SREK1: variants seen among roughly 807,000 people sequenced by gnomAD.
SREK1 encodes the protein splicing regulatory glutamine/lysine-rich protein 1.
A neutral mutation model predicts 66.5 loss-of-function variants in SREK1; 13 were observed. The observed-to-expected ratio is 0.20, with a 90% CI of 0.13 to 0.31. The LOEUF (loss-of-function observed/expected upper bound fraction) is 0.31. SREK1 is among the 10% of genes least tolerant of loss of function. The pLI, the probability that SREK1 is intolerant of heterozygous loss-of-function variation, is 1.00. For synonymous variants in SREK1, 265 were observed against 263.5 expected (o/e 1.01, Z -0.05); for missense variants, 607 against 769.6 (o/e 0.79, Z 2.50).
chr5:66,159,702 GA>G (rs1241724275), intron 3 of SREK1, among the ~76,000 whole-genome samples: 2 of 151,944 alleles, frequency 1.3e-5, no homozygotes, highest in Admixed American at 1.3e-4. Flanking sequence ...TTGGTAATGG[GA>G]AAAAAACAGG....
chr5:66,177,866 A>G (rs915254219), intron 11 of SREK1, among the ~76,000 whole-genome samples: 2 of 152,144 alleles, frequency 1.3e-5, no homozygotes, highest in South Asian at 4.1e-4. Context: ...AAACTAAGTT[A>G]AATCCTAACA....
At chr5:66,164,525 C>T (rs1370195556) in intron 6 of SREK1, 2 of 1,311,060 alleles carry the variant, frequency 1.5e-6, no homozygotes, top group Admixed American at 4.2e-5. Context: ...GAATTACAGA[C>T]ATGTTGTAAT....
intron 1 of SREK1, among the ~76,000 whole-genome samples, chr5:66,151,312 A>G (rs1054254605): frequency 2.0e-5 from 3 of 152,208 alleles, no homozygotes; most frequent in Admixed American, 1.3e-4. Context: ...ATAGTGACAC[A>G]TGTCAGTTCT....
At position 66,182,558 on chromosome 5, in the gene SREK1, C is replaced by T. The variant is rs191937190; in HGVS notation, c.*3690C>T. The T allele has an allele frequency of 1.2e-4, 18 of 152,066 alleles. No individual in the cohort carries two copies. The highest frequency in any genetic ancestry group is 9.2e-4 in the Admixed American group (14 of 15,260). 9.4% of individuals were successfully genotyped at this position (152,066 alleles called of 1,614,324 possible). ...TGGTGGTTTTGCCTGAAGAGTAATACATTATTATTATTACTTTTCTTTTTG... is the reference window on the plus strand; with the variant it reads ...TGGTGGTTTTGCCTGAAGAGTAATATATTATTATTATTACTTTTCTTTTTG... On this transcript the variant is annotated 3_prime_UTR_variant, in exon 12 of 12. Transcript: ENST00000334121.
Position 66,175,023 on chromosome 5 carries a change from G to T in SREK1, c.1562G>T (p.Arg521Ile), listed in dbSNP as rs767338785. 3 of 1,612,234 alleles carry T rather than the reference G, an allele frequency of 1.9e-6. No homozygotes were observed. Among genetic ancestry groups the T allele is most frequent in the East Asian group, 2.2e-5 (1 of 44,846 alleles). ...AAAACCATAAAAAGGAAATCTTCTA[G>T]ATCTCCGTCCCCCAGGAGGTAGGTT... ...TSKTIKRKSS[R>I]SPSPRSRNKK... Residue 521 changes from arginine (R) to isoleucine (I), a missense_variant, in exon 10 of 12, where the codon AGA becomes ATA. This residue lies in a region of SREK1 where 318 missense variants were observed against 310.3 expected (regional missense o/e 1.02). Transcript: ENST00000334121.
rs372819159 is a variant in SREK1, at chr5:66,158,871, G to A, written c.296-348G>A. 4 of 1,292,958 alleles carry A rather than the reference G, an allele frequency of 3.1e-6. No individual in the cohort carries two copies. The East Asian group carries it at 1.6e-4, about 53-fold the overall frequency. 80.1% of individuals were successfully genotyped at this position (1,292,958 alleles called of 1,614,324 possible). A position where few individuals can be genotyped will look rare whatever the true frequency, so the allele number is the denominator to read the frequency against. ...AACTTTCGATCACCGCGAAAACACC[G>A]TCCTGGGAAAGCGTCCATGCTTGAT... On this transcript the variant is annotated intron_variant, in intron 2 of 11. Transcript: ENST00000334121.
intron 9 of SREK1, among the ~76,000 whole-genome samples, chr5:66,172,351 G>C (rs1166158786): frequency 1.3e-5 from 2 of 152,020 alleles, no homozygotes; most frequent in Admixed American, 1.3e-4. Flanking sequence ...ATTTTAAGTT[G>C]TTTGGTGTAG....
At chr5:66,167,567 T>A (rs1745278004) in intron 7 of SREK1, 6 of 152,208 alleles carry the variant, frequency 3.9e-5, no homozygotes, top group Admixed American at 3.9e-4. Context: ...CTTGACTACT[T>A]CTAGCATTCT....
At chr5:66,169,278 G>C (rs1176812431) in intron 7 of SREK1, 1 of 152,130 alleles carries the variant, frequency 6.6e-6, no homozygotes, top group African/African-American at 2.4e-5. Flanking sequence ...TTTTCATACA[G>C]GTTGAGACTC....
chr5:66,175,060 C>T lies in SREK1; in HGVS notation c.1580+19C>T, dbSNP rs1167838146. On this transcript the variant is annotated intron_variant, in intron 10 of 11. Transcript: ENST00000334121. ...CCAGGAGGTAGGTTGGGAGCTTGTG[C>T]TAAAACTAAACAGGAGAAAGCAATA... 4.4e-6 allele frequency: 7 copies of T among 1,582,320 alleles called. No homozygotes were observed. The East Asian group carries it at 1.6e-4, about 35-fold the overall frequency.
rs527491644 is a variant in SREK1 at position 66,174,950 on chromosome 5, A to G, written c.1489A>G (p.Arg497Gly). Reference protein sequence around the residue: ...SRRSRSSSRERRRRRSRSSSR... With the variant: ...SRRSRSSSREGRRRRSRSSSR... ...TGATGTGTTTTTGATTTTCAGGGAA[A>G]GGCGTAGGAGGAGGAGCAGGAGTTC... is the stretch of plus-strand genomic sequence containing the variant. The change falls in exon 10 of 12, where the codon AGG becomes GGG. Residue 497 changes from arginine to glycine, a missense_variant. Arg to Gly is a moderately radical substitution (Grantham distance 125). This residue lies in a region of SREK1 where 318 missense variants were observed against 310.3 expected (regional missense o/e 1.02). Coordinates refer to ENST00000334121, the MANE Select transcript of SREK1 (RefSeq NM_001077199.3). The G allele has an allele frequency of 3.1e-6, 5 of 1,609,772 alleles. No individual in the cohort carries two copies. Among genetic ancestry groups the G allele is most frequent in the South Asian group, 1.1e-5 (1 of 89,864 alleles).
intron 7 of SREK1, chr5:66,169,448 G>A (rs1745448509): frequency 2.0e-5 from 3 of 152,068 alleles, no homozygotes; most frequent in Admixed American, 1.3e-4. Flanking sequence ...GCAAATATTC[G>A]AAAATCTCCA....
chr5:66,176,907 T>TAG (rs1746100170), intron 10 of SREK1, among the ~76,000 whole-genome samples: 1 of 152,086 alleles, frequency 6.6e-6, no homozygotes, highest in Non-Finnish European at 1.5e-5. Context: ...AGGGGTCTTT[T>TAG]GTTTATTTGC....
At chr5:66,165,155 C>A (rs1406183857) in intron 7 of SREK1, 1 of 289,802 alleles carries the variant, frequency 3.5e-6, no homozygotes, top group African/African-American at 2.2e-5. Context: ...TACTCTATTC[C>A]AGATTTTTCT....
intron 6 of SREK1, chr5:66,164,230 T>C (rs1027721366): frequency 5.9e-5 from 18 of 302,970 alleles, no homozygotes; most frequent in Non-Finnish European, 9.9e-5. Flanking sequence ...AGAGTACATA[T>C]ATTTAAAACG....
chr5:66,181,273 T>C lies in SREK1; in HGVS notation c.*2405T>C, dbSNP rs959913686. 2.0e-5 allele frequency: 3 copies of C among 152,216 alleles called. No homozygotes were observed. Among genetic ancestry groups the C allele is most frequent in the Non-Finnish European group, 4.4e-5 (3 of 68,040 alleles). The allele number at this position is 152,216 out of a possible 1,614,324, so 9.4% of individuals were successfully genotyped here. A position where few individuals can be genotyped will look rare whatever the true frequency, so the allele number is the denominator to read the frequency against. The stretch of plus-strand genomic sequence containing the variant: ...TATGGAAGCAAGGCATTCTAGGGTC[T>C]AGAGGGATGTGTGTGTGTGCTTGTG... On this transcript the variant is annotated 3_prime_UTR_variant, in exon 12 of 12. Coordinates refer to ENST00000334121, the MANE Select transcript of SREK1 (RefSeq NM_001077199.3).
intron 2 of SREK1, chr5:66,156,510 T>G: frequency 1.0e-6 from 1 of 990,978 alleles, no homozygotes; most frequent in Non-Finnish European, 1.2e-6. Context: ...TACATTTTAT[T>G]CTTGAAACAT....
intron 8 of SREK1, 101 bp from the exon 9 acceptor site, chr5:66,170,484 C>G (rs1165344274): frequency 5.1e-6 from 7 of 1,374,378 alleles, no homozygotes; most frequent in Non-Finnish European, 6.9e-6. Context: ...TCTGTAGGTA[C>G]TATAAATTGT....
chr5:66,164,768 A>G lies in SREK1; in HGVS notation c.887-15A>G. 2.5e-6 allele frequency: 4 copies of G among 1,613,804 alleles called. No individual in the cohort carries two copies. The highest frequency in any genetic ancestry group is 3.4e-6 in the Non-Finnish European group (4 of 1,179,818). The stretch of plus-strand genomic sequence containing the variant: ...TGTTCTGAGCTTACACTGCAAAGTG[A>G]TTTTTTCCTCCCAGAGTCTGGAAAG... On this transcript the variant is annotated splice_polypyrimidine_tract_variant and intron_variant, in intron 6 of 11. Transcript: ENST00000334121.
Sources: allele counts gnomAD v4.1 joint callset (sites outside exome capture counted in the v4.1 genomes callset), GRCh38; gene constraint gnomAD v4.1.1; regional missense constraint gnomAD v4.1.1; transcripts MANE v1.5; gene names NCBI Gene and HGNC (gene_info 2026-07-23, HGNC 2026-07-21).